Variants in GRIK4 observed in about 807,000 individuals in gnomAD.
GRIK4 encodes glutamate ionotropic receptor kainate type subunit 4, also known as glutamate receptor ionotropic, kainate 4.
In GRIK4, 40 loss-of-function variants were observed where a neutral mutation model predicts 104.9. The observed-to-expected ratio is 0.38, with a 90% CI of 0.30 to 0.50. GRIK4 has a LOEUF of 0.50. GRIK4 is among the 20% of genes least tolerant of loss of function. The pLI is 0.93. For missense variants in GRIK4, 1,047 were observed against 1,308.1 expected, an observed-to-expected ratio of 0.80 and a Z score of 3.08; for synonymous variants, 485 against 524.9, an observed-to-expected ratio of 0.92 and a Z score of 1.04.
intron 1 of GRIK4, among the ~76,000 whole-genome samples, chr11:120,631,566 C>G (rs2135183642): frequency 6.6e-6 from 1 of 152,268 alleles, no homozygotes; most frequent in African/African-American, 2.4e-5. Context: ...GCCCCCAGGA[C>G]AGTAGGCAGC....
At chr11:120,522,440 G>T (rs1037761305) in intron 1 of GRIK4, among the ~76,000 whole-genome samples, 1 of 152,180 alleles carries the variant, frequency 6.6e-6, no homozygotes, top group African/African-American at 2.4e-5. Context: ...TCCTGCCTCA[G>T]CCTCCTGAGT....
chr11:120,704,183 G>T (rs1591819499), intron 3 of GRIK4, among the ~76,000 whole-genome samples: 1 of 152,184 alleles, frequency 6.6e-6, no homozygotes, highest in Non-Finnish European at 1.5e-5. Context: ...CACATAGTAG[G>T]TGCTTATTTA....
chr11:120,755,662 T>A (rs1025898210), intron 3 of GRIK4, among the ~76,000 whole-genome samples: 19 of 150,732 alleles, frequency 1.3e-4, no homozygotes, highest in Non-Finnish European at 2.7e-4. Flanking sequence ...ATAATAATAA[T>A]AAAAATAATT....
At chr11:120,908,746 A>G (rs1034687280) in intron 13 of GRIK4, among the ~76,000 whole-genome samples, 1 of 152,230 alleles carries the variant, frequency 6.6e-6, no homozygotes, top group Admixed American at 6.5e-5. Context: ...GGAGGGGGAA[A>G]CTTGTATCTG....
chr11:120,619,635 G>A (rs139521400), intron 1 of GRIK4, among the ~76,000 whole-genome samples: 95 of 152,294 alleles, frequency 6.2e-4, no homozygotes, highest in African/African-American at 1.8e-3. Flanking sequence ...TGTTGGTGCC[G>A]TTCTTGTGAC....
At chr11:120,542,520 G>A (rs1948047489) in intron 1 of GRIK4, among the ~76,000 whole-genome samples, 2 of 152,172 alleles carry the variant, frequency 1.3e-5, no homozygotes, top group Admixed American at 1.3e-4. Context: ...AAAAGGCAAC[G>A]TATGTCATGG....
intron 14 of GRIK4, among the ~76,000 whole-genome samples, chr11:120,945,244 C>A (rs1403610666): frequency 6.6e-6 from 1 of 152,198 alleles, no homozygotes; most frequent in African/African-American, 2.4e-5. Flanking sequence ...CAATACCCAG[C>A]TCAAATGGCA....
intron 3 of GRIK4, among the ~76,000 whole-genome samples, chr11:120,787,852 CTTTTTTTTTTTT>C (rs58523604): frequency 3.9e-5 from 3 of 77,122 alleles, no homozygotes; most frequent in Non-Finnish European, 6.9e-5. Context: ...CTTTTCTTTT[CTTTTTTTTTTTT>C]TTTTTTTTTT....
At chr11:120,816,252 C>T (rs1952954956) in intron 5 of GRIK4, among the ~76,000 whole-genome samples, 1 of 152,210 alleles carries the variant, frequency 6.6e-6, no homozygotes, top group Non-Finnish European at 1.5e-5. Flanking sequence ...TTTCCTGGTC[C>T]TTCCTGGATC....
rs774202076 is a variant in GRIK4, at chr11:120,815,361, C to T, written c.248-17C>T. The stretch of plus-strand genomic sequence containing the variant: ...TGAGTGCTTTGCTTCTTTCCCTGTC[C>T]CTGCCGCTGGCTGCAGTGTGTCAGA... On this transcript the variant is annotated splice_polypyrimidine_tract_variant and intron_variant, in intron 4 of 20. Transcript: ENST00000527524. 3 of 1,467,636 alleles carry T rather than the reference C, an allele frequency of 2.0e-6. No individual in the cohort carries two copies. Among genetic ancestry groups the T allele is most frequent in the Middle Eastern group, 2.0e-4 (1 of 4,928 alleles). 90.9% of individuals were successfully genotyped at this position (1,467,636 alleles called of 1,614,324 possible).
chr11:120,529,379 A>G (rs1591676319), intron 1 of GRIK4, among the ~76,000 whole-genome samples: 1 of 152,208 alleles, frequency 6.6e-6, no homozygotes, highest in Admixed American at 6.5e-5. Context: ...CGCTGTGCCC[A>G]TCGACATTAG....
chr11:120,855,462 T>C lies in GRIK4; in HGVS notation c.745-6497T>C, dbSNP rs574365378. Among the ~76,000 whole-genome samples, 9 of 152,362 alleles carry C rather than the reference T, an allele frequency of 5.9e-5. No individual in the cohort carries two copies. The South Asian group carries it at 1.5e-3, about 25-fold the overall frequency. On this transcript the variant is annotated intron_variant, in intron 8 of 20. Transcript: ENST00000527524. ...TTGTAGTAGTTATTATTAGAATTAT[T>C]GCTTTCTTGTGATTATTCATGGTTG...
chr11:120,727,500 A>G (rs763976335), intron 3 of GRIK4, among the ~76,000 whole-genome samples: 8 of 152,332 alleles, frequency 5.3e-5, no homozygotes, highest in Non-Finnish European at 1.2e-4. Flanking sequence ...CTTATTTTAC[A>G]TAGAAATGAA....
rs770692861 is a variant in GRIK4, at chr11:120,905,413, C to T, written c.1396C>T (p.Arg466Cys). 40 of 1,613,910 alleles carry T rather than the reference C, an allele frequency of 2.5e-5. No homozygotes were observed. The highest frequency in any genetic ancestry group is 3.2e-5 in the Non-Finnish European group (38 of 1,179,944). Residue 466 changes from arginine (R) to cysteine (C), a missense_variant, in exon 13 of 21, where the codon CGC (arginine) becomes TGC (cysteine). By Grantham distance (180) the Arg-to-Cys change is radical (BLOSUM62 -3). Coordinates refer to ENST00000527524, the MANE Select transcript of GRIK4 (RefSeq NM_014619.5). The surrounding 1 kb of genome is among the most constrained non-coding windows in gnomAD (Gnocchi z 5.1). ...GATCCTCCGATTCAACTACAAGATCCGCCTGGTTGGGGATGGCGTGTACGG... is the reference window on the plus strand; with the variant it reads ...GATCCTCCGATTCAACTACAAGATCTGCCTGGTTGGGGATGGCGTGTACGG... ...AEILRFNYKI[R>C]LVGDGVYGVP...
chr11:120,620,299 C>T (rs1402610992), intron 1 of GRIK4: 1 of 690,984 alleles, frequency 1.4e-6, no homozygotes, highest in South Asian at 1.6e-5. Flanking sequence ...TACTTTGCTT[C>T]CTCAGGAACT....
At chr11:120,833,375 T>C (rs570056384) in intron 7 of GRIK4, among the ~76,000 whole-genome samples, 38 of 152,236 alleles carry the variant, frequency 2.5e-4, no homozygotes, top group African/African-American at 9.2e-4. Context: ...CCTGGAGCCA[T>C]GATCAATGAA....
At chr11:120,985,142 T>C (rs1244766974) in intron 20 of GRIK4, among the ~76,000 whole-genome samples, 1 of 152,140 alleles carries the variant, frequency 6.6e-6, no homozygotes, top group Non-Finnish European at 1.5e-5. Context: ...TCCTGTATTC[T>C]TCATCCACAG....
chr11:120,927,322 T>C (rs1033055622), intron 13 of GRIK4, among the ~76,000 whole-genome samples: 1 of 152,056 alleles, frequency 6.6e-6, no homozygotes, highest in Non-Finnish European at 1.5e-5. Flanking sequence ...ATCCCAGCAC[T>C]TTGGGAGGCC....
chr11:120,728,052 A>C (rs1342556515), intron 3 of GRIK4, among the ~76,000 whole-genome samples: 1 of 152,186 alleles, frequency 6.6e-6, no homozygotes, highest in East Asian at 1.9e-4. Context: ...ATATAAATTT[A>C]AACTTGTATA....
Sources: allele counts gnomAD v4.1 joint callset (sites outside exome capture counted in the v4.1 genomes callset), GRCh38; gene constraint gnomAD v4.1.1; non-coding constraint Gnocchi (gnomAD v3.1); transcripts MANE v1.5; gene names NCBI Gene and HGNC (gene_info 2026-07-23, HGNC 2026-07-21).